Variants in FGF12 observed in about 807,000 individuals in gnomAD.
FGF12 encodes the protein fibroblast growth factor 12.
FGF12 carries 14 observed loss-of-function variants against 23.6 expected under a neutral mutation model. That is an observed-to-expected ratio of 0.59 (90% CI 0.39 to 0.93). The LOEUF is 0.93. FGF12 is among the 40% of genes least tolerant of loss of function. FGF12 has a pLI of 0.00. For missense variants in FGF12, 175 were observed against 217.8 expected (o/e 0.80, Z 1.24); for synonymous variants, 62 against 77.3 (o/e 0.80, Z 1.04).
At chr3:192,433,443 A>G (rs1351193585) in intron 2 of FGF12, among the ~76,000 whole-genome samples, 3 of 152,236 alleles carry the variant, frequency 2.0e-5, no homozygotes, top group Non-Finnish European at 4.4e-5. Flanking sequence ...ACTAAATATA[A>G]GAAAAAGAAT....
At chr3:192,464,772 G>C (rs1335504533) in intron 2 of FGF12, among the ~76,000 whole-genome samples, 3 of 152,104 alleles carry the variant, frequency 2.0e-5, no homozygotes, top group African/African-American at 7.2e-5. Context: ...TTTTCCTGTG[G>C]ACTGGGGAAG....
chr3:192,250,107 G>A (rs967084436), intron 4 of FGF12, among the ~76,000 whole-genome samples: 3 of 152,132 alleles, frequency 2.0e-5, no homozygotes. Flanking sequence ...CACTCATGTG[G>A]ATAATCTAAA....
intron 2 of FGF12, among the ~76,000 whole-genome samples, chr3:192,523,942 G>T (rs1314249295): frequency 6.6e-6 from 1 of 152,156 alleles, no homozygotes; most frequent in East Asian, 1.9e-4. Context: ...CTTCCAAAAT[G>T]CAGATAGAAA....
At chr3:192,445,202 T>C (rs1348112735) in intron 2 of FGF12, among the ~76,000 whole-genome samples, 1 of 152,222 alleles carries the variant, frequency 6.6e-6, no homozygotes, top group East Asian at 1.9e-4. Flanking sequence ...TTTATAGACA[T>C]TTGCATTGAA....
chr3:192,563,868 A>G (rs538335009), intron 2 of FGF12, among the ~76,000 whole-genome samples: 1 of 152,304 alleles, frequency 6.6e-6, no homozygotes, highest in East Asian at 1.9e-4. Flanking sequence ...TCTTATGAGG[A>G]TTAAATTCAT....
intron 2 of FGF12, among the ~76,000 whole-genome samples, chr3:192,716,466 T>A (rs1718870141): frequency 6.6e-6 from 1 of 152,242 alleles, no homozygotes; most frequent in African/African-American, 2.4e-5. Context: ...CAGTTTTTAT[T>A]GCATAATTTA....
At position 192,321,474 on chromosome 3, in the gene FGF12, C is replaced by A. The variant is rs574736607; in HGVS notation, c.228+13887G>T. 4.7e-5 allele frequency among the ~76,000 whole-genome samples: 7 copies of A among 148,616 alleles called. No individual in the cohort carries two copies. In the South Asian group the frequency reaches 1.5e-3, roughly 32 times the overall value. ...TGTGAGGCCAGTACTACCCCTGATA[C>A]CAAAACCTGATAAAGACATTCAAAA... On this transcript the variant is annotated intron_variant, in intron 4 of 5. Transcript: ENST00000445105.
chr3:192,424,324 T>G (rs1465894004), intron 2 of FGF12, among the ~76,000 whole-genome samples: 1 of 152,232 alleles, frequency 6.6e-6, no homozygotes, highest in East Asian at 1.9e-4. Flanking sequence ...TTTGTAATGC[T>G]AATGAGAATT....
chr3:192,712,451 A>G lies in FGF12; in HGVS notation c.13+14730T>C, dbSNP rs765892857. ...TGAAACTATAAGAAGGCAAATTACT[A>G]TCAATTTTCAAAACACTGAGAAAAA... On this transcript the variant is annotated intron_variant, in intron 2 of 5. Transcript: ENST00000445105. 4.6e-5 allele frequency among the ~76,000 whole-genome samples: 7 copies of G among 152,132 alleles called. No homozygotes were observed. In the East Asian group the frequency reaches 5.8e-4, roughly 13 times the overall value.
At chr3:192,156,279 T>G (rs111608065) in intron 5 of FGF12, among the ~76,000 whole-genome samples, 2,171 of 152,288 alleles carry the variant, frequency 0.014, 20 homozygotes, top group South Asian at 0.042. Flanking sequence ...AAACTCAGAT[T>G]CAGTGGCACT....
intron 2 of FGF12, among the ~76,000 whole-genome samples, chr3:192,430,691 C>G (rs2108790026): frequency 6.6e-6 from 1 of 152,126 alleles, no homozygotes; most frequent in African/African-American, 2.4e-5. Context: ...TTATTGGGGT[C>G]CTATTATGCC....
intron 2 of FGF12, among the ~76,000 whole-genome samples, chr3:192,712,756 A>G (rs2108740668): frequency 6.6e-6 from 1 of 152,066 alleles, no homozygotes; most frequent in Admixed American, 6.5e-5. Flanking sequence ...AAGCTGTTGG[A>G]GAATGTATTC....
chr3:192,523,206 C>G (rs552270382), intron 2 of FGF12, among the ~76,000 whole-genome samples: 31 of 152,190 alleles, frequency 2.0e-4, no homozygotes, highest in African/African-American at 7.2e-4. Flanking sequence ...AGTCTTGATG[C>G]CTTGAGAATC....
At chr3:192,710,094 C>T (rs1415287672) in intron 2 of FGF12, among the ~76,000 whole-genome samples, 1 of 152,096 alleles carries the variant, frequency 6.6e-6, no homozygotes, top group Non-Finnish European at 1.5e-5. Flanking sequence ...GGTGTTTTCT[C>T]AAGGGAAGAA....
chr3:192,427,890 T>C (rs9836854), intron 2 of FGF12, among the ~76,000 whole-genome samples: 90,897 of 152,060 alleles, frequency 0.6, 27,490 homozygotes, highest in African/African-American at 0.69. Context: ...TCATGCCTGC[T>C]GGCATCTGAA....
chr3:192,356,231 C>T (rs995872344), intron 3 of FGF12, among the ~76,000 whole-genome samples: 1 of 152,138 alleles, frequency 6.6e-6, no homozygotes, highest in African/African-American at 2.4e-5. Context: ...TCTCCCTTTG[C>T]CTCAAGTGCC....
In FGF12 at chr3:192,326,696, G is replaced by A. The variant is rs116727942; in HGVS notation, c.228+8665C>T. Reference sequence around the variant, plus strand: ...CACAAACAAGGTGATAGGCTGCCCCGGTTTTCAAAGAATTATGCTTTTTAT... The same window carrying A: ...CACAAACAAGGTGATAGGCTGCCCCAGTTTTCAAAGAATTATGCTTTTTAT... On this transcript the variant is annotated intron_variant, in intron 4 of 5. Transcript: ENST00000445105. Among the ~76,000 whole-genome samples, 995 of 152,240 alleles carry A rather than the reference G, an allele frequency of 6.5e-3. 8 individuals are homozygous for A. The highest frequency in any genetic ancestry group is 0.011 in the Non-Finnish European group (737 of 68,008).
intron 2 of FGF12, among the ~76,000 whole-genome samples, chr3:192,463,515 T>C (rs73070208): frequency 0.072 from 11,013 of 152,260 alleles, 1,403 homozygotes; most frequent in African/African-American, 0.25. Context: ...TATGGTTTTA[T>C]CTTTTGGGGA....
At chr3:192,283,525 T>C (rs528141785) in intron 4 of FGF12, among the ~76,000 whole-genome samples, 1 of 152,170 alleles carries the variant, frequency 6.6e-6, no homozygotes, top group South Asian at 2.1e-4. Context: ...GGATTTCAGT[T>C]TTTAGGAGAT....
Sources: gnomAD v4.1 joint callset for allele counts (sites outside exome capture counted in the v4.1 genomes callset) on GRCh38, gnomAD v4.1.1 for gene constraint, MANE v1.5 for transcripts, NCBI Gene and HGNC (gene_info 2026-07-23, HGNC 2026-07-21) for gene names.